The following ADPRHL1 variants were observed in gnomAD, a reference collection of about 807,000 sequenced individuals.
ADPRHL1 encodes the protein inactive ADP-ribosyltransferase ARH2.
ADPRHL1 carries 43 observed loss-of-function variants against 44.1 expected under a neutral mutation model. The observed-to-expected ratio is 0.98, with a 90% CI of 0.76 to 1.26. ADPRHL1 has a LOEUF of 1.26. Ranked by LOEUF, ADPRHL1 falls within the 50% of genes most tolerant of loss-of-function variation. ADPRHL1 has a pLI of 0.00. For missense variants in ADPRHL1, 2,022 were observed against 2,496.9 expected (o/e 0.81, Z 4.05); for synonymous variants, 878 against 1,017.4 (o/e 0.86, Z 2.61).
intron 3 of ADPRHL1, among the ~76,000 whole-genome samples, chr13:113,432,165 C>A (rs923871354): frequency 6.6e-6 from 1 of 152,180 alleles, no homozygotes; most frequent in African/African-American, 2.4e-5. Flanking sequence ...GCCCTGTCGC[C>A]CAGGCTGCAG....
rs61968984 is a variant in ADPRHL1, at chr13:113,447,161, T to G, written c.215-2572A>C. On this transcript the variant is annotated intron_variant, in intron 1 of 7. Transcript: ENST00000612156. Reference sequence around the variant, plus strand: ...AGTTGTATGTGCATGGCGTCTACACTCACGGTGTTGTGTGTGCATGGCGTC... The same window carrying G: ...AGTTGTATGTGCATGGCGTCTACACGCACGGTGTTGTGTGTGCATGGCGTC... 2.2e-3 allele frequency among the ~76,000 whole-genome samples: 248 copies of G among 113,326 alleles called. 3 individuals carry two copies. The highest frequency in any genetic ancestry group is 4.7e-3 in the African/African-American group (108 of 22,800). 74.3% of individuals were successfully genotyped at this position (113,326 alleles called of 152,430 possible).
In ADPRHL1 at chr13:113,406,736, A is replaced by C; in HGVS notation, c.2546T>G (p.Val849Gly). The C allele has an allele frequency of 1.6e-6, 2 of 1,231,954 alleles. No homozygotes were observed. The highest frequency in any genetic ancestry group is 1.0e-6 in the Non-Finnish European group (1 of 987,988). The allele number at this position is 1,231,954 out of a possible 1,614,324, so 76.3% of individuals were successfully genotyped here. A position where few individuals can be genotyped will look rare whatever the true frequency, so the allele number is the denominator to read the frequency against. ...GGGAGGGGCTGGCATTTCATGGACA[A>C]CTGGAATTTGGACAGTTATCCGTGG... ...EPPRITVQIP[V>G]VHEMPAPPTR... is the part of the protein sequence containing the mutation. The change falls in exon 8 of 8, where the codon GTT becomes GGT. Residue 849 changes from valine (V) to glycine (G), a missense_variant. Val to Gly is a moderately radical substitution (Grantham distance 109). Coordinates refer to ENST00000612156, the MANE Select transcript of ADPRHL1 (RefSeq NM_001394807.1).
At chr13:113,452,397 T>C (rs190161192) in intron 1 of ADPRHL1, among the ~76,000 whole-genome samples, 1 of 152,230 alleles carries the variant, frequency 6.6e-6, no homozygotes, top group Non-Finnish European at 1.5e-5. Flanking sequence ...CCATGGCAGA[T>C]GAACAGAATG....
intron 7 of ADPRHL1, among the ~76,000 whole-genome samples, chr13:113,415,213 G>T (rs989742271): frequency 2.6e-5 from 4 of 152,202 alleles, no homozygotes; most frequent in Admixed American, 6.5e-5. Flanking sequence ...CTAGAGGGAC[G>T]AGAGCCCTTC....
At position 113,444,533 on chromosome 13, in the gene ADPRHL1, C is replaced by A. The variant is rs150080386; in HGVS notation, c.271G>T (p.Val91Phe). ...GGCCGGCGTTCTGGAAGCTTCTCAA[C>A]GATTTCCACATAGCATCTCACCATC... ...REMVRCYVEI[V>F]EKLPERRPDP... Residue 91 changes from valine (V) to phenylalanine (F), a missense_variant, in exon 2 of 8, where the codon GTT (valine) becomes TTT (phenylalanine). Around this residue, in one of 8 missense-constraint regions of ADPRHL1, gnomAD observed 437 missense variants for 430.7 expected, o/e 1.01. Transcript: ENST00000612156. 1 of 1,614,170 alleles carries A rather than the reference C, an allele frequency of 6.2e-7. No individual in the cohort carries two copies. Among genetic ancestry groups the A allele is most frequent in the South Asian group, 1.1e-5 (1 of 91,084 alleles).
intron 7 of ADPRHL1, among the ~76,000 whole-genome samples, chr13:113,418,576 T>C (rs1398081400): frequency 1.3e-5 from 2 of 152,214 alleles, no homozygotes; most frequent in Admixed American, 6.5e-5. Flanking sequence ...AACATGTGTG[T>C]GTTACTGACA....
chr13:113,436,458 G>A (rs9796028), intron 2 of ADPRHL1, among the ~76,000 whole-genome samples: 116 of 756 alleles, frequency 0.15, no homozygotes, highest in East Asian at 0.38. Context: ...CCAGGTGCAG[G>A]GTGAACATAG....
At chr13:113,413,453 G>A (rs967396536) in intron 7 of ADPRHL1, among the ~76,000 whole-genome samples, 11 of 152,224 alleles carry the variant, frequency 7.2e-5, no homozygotes, top group Non-Finnish European at 1.3e-4. Context: ...CGCCAGGAAC[G>A]CCCCCAAGTC....
rs2043751759 is a variant in ADPRHL1 at position 113,400,451 on chromosome 13, T to G, written c.*2927A>C. ...GAGCCACCGTGCCCGGCCACTTTCT[T>G]TCTTTCTTTTTTTTTTTTTTTAAAA... On this transcript the variant is annotated 3_prime_UTR_variant, in exon 8 of 8. Transcript: ENST00000612156. The G allele has an allele frequency of 6.9e-6, 1 of 145,398 alleles. No individual in the cohort carries two copies. Among genetic ancestry groups the G allele is most frequent in the African/African-American group, 2.6e-5 (1 of 38,146 alleles). The allele number at this position is 145,398 out of a possible 1,614,324, so 9.0% of individuals were successfully genotyped here. A position where few individuals can be genotyped will look rare whatever the true frequency, so the allele number is the denominator to read the frequency against.
intron 2 of ADPRHL1, among the ~76,000 whole-genome samples, chr13:113,443,875 G>A (rs1434531081): frequency 1.3e-5 from 2 of 151,138 alleles, no homozygotes; most frequent in East Asian, 2.0e-4. Flanking sequence ...CCCGGGAGGC[G>A]GAGGTTGCAG....
Position 113,409,402 on chromosome 13 carries a change from A to G in ADPRHL1, c.1062-1182T>C, listed in dbSNP as rs61966649. 0.016 allele frequency: 15,581 copies of G among 985,218 alleles called. 160 individuals carry two copies. Among genetic ancestry groups the G allele is most frequent in the Middle Eastern group, 0.019 (37 of 1,914 alleles). The allele number at this position is 985,218 out of a possible 1,614,324, so 61.0% of individuals were successfully genotyped here. A position where few individuals can be genotyped will look rare whatever the true frequency, so the allele number is the denominator to read the frequency against. On this transcript the variant is annotated intron_variant, in intron 7 of 7. Coordinates refer to ENST00000612156, the MANE Select transcript of ADPRHL1 (RefSeq NM_001394807.1). This position sits in a 1 kb window ranked among gnomAD's most constrained non-coding sequence, Gnocchi z 4.2. The stretch of plus-strand genomic sequence containing the variant: ...AGATCATCAGGGATGAGGAACAAAG[A>G]CTCGAGTATTACAGGAAAAGTCGCC...
rs1408984240 is a variant in ADPRHL1 at position 113,409,607 on chromosome 13, G to A, written c.1062-1387C>T. On this transcript the variant is annotated intron_variant, in intron 7 of 7. Transcript: ENST00000612156. This position sits in a 1 kb window ranked among gnomAD's most constrained non-coding sequence, Gnocchi z 4.2. Reference sequence around the variant, plus strand: ...CGATTGTTTTTAAGAAGCTGAGGCCGGGCGCCGTGGCTCACGCCTGTAATC... The same window carrying A: ...CGATTGTTTTTAAGAAGCTGAGGCCAGGCGCCGTGGCTCACGCCTGTAATC... 8.1e-6 allele frequency: 8 copies of A among 985,282 alleles called. No individual in the cohort carries two copies. The highest frequency in any genetic ancestry group is 1.7e-5 in the African/African-American group (1 of 57,230). The allele number at this position is 985,282 out of a possible 1,614,324, so 61.0% of individuals were successfully genotyped here.
intron 2 of ADPRHL1, among the ~76,000 whole-genome samples, chr13:113,439,151 C>CT (rs1326024689): frequency 6.6e-5 from 10 of 152,036 alleles, no homozygotes; most frequent in African/African-American, 1.9e-4. Context: ...GAGTCTCACT[C>CT]TGACTCTGTT....
chr13:113,433,844 T>C lies in ADPRHL1; in HGVS notation c.403A>G (p.Lys135Glu), dbSNP rs1164164689. ...EKGSGFGAAT[K>E]AMCIGLRYWK... The stretch of plus-strand genomic sequence containing the variant: ...TACCGCAGGCCGATGCACATGGCCT[T>C]GGTGGCCGCTCCAAACCCTGAGCCT... Residue 135 changes from lysine (K) to glutamate (E), a missense_variant, in exon 3 of 8, where the codon AAG (lysine) becomes GAG (glutamate). Lys to Glu is a moderately conservative substitution (Grantham distance 56, BLOSUM62 1). Around this residue, in one of 8 missense-constraint regions of ADPRHL1, gnomAD observed 437 missense variants for 430.7 expected, o/e 1.01. Transcript: ENST00000612156. 4 of 1,564,902 alleles carry C rather than the reference T, an allele frequency of 2.6e-6. No homozygotes were observed. The highest frequency in any genetic ancestry group is 3.5e-6 in the Non-Finnish European group (4 of 1,154,708).
In ADPRHL1 at chr13:113,403,590, G is replaced by T; in HGVS notation, c.5692C>A (p.Pro1898Thr). 1 of 1,231,674 alleles carries T rather than the reference G, an allele frequency of 8.1e-7. No homozygotes were observed. The highest frequency in any genetic ancestry group is 1.0e-6 in the Non-Finnish European group (1 of 987,966). The allele number at this position is 1,231,674 out of a possible 1,614,324, so 76.3% of individuals were successfully genotyped here. ...GACCCCTCCTGGGCCGGGGCCTGGG[G>T]AGTCCCGCAGCCCCCAGCCTCAGGC... Reference protein sequence around the residue: ...PKPEAGGCGTPQAPAQEGSPD... With the variant: ...PKPEAGGCGTTQAPAQEGSPD... Residue 1898 changes from proline (P) to threonine (T), a missense_variant, in exon 8 of 8, where the codon CCC (proline) becomes ACC (threonine). Around this residue, in one of 8 missense-constraint regions of ADPRHL1, gnomAD observed 205 missense variants for 250.1 expected, o/e 0.82. Coordinates refer to ENST00000612156, the MANE Select transcript of ADPRHL1 (RefSeq NM_001394807.1).
intron 1 of ADPRHL1, among the ~76,000 whole-genome samples, chr13:113,446,049 C>T (rs4644760): frequency 0.32 from 45,932 of 144,068 alleles, 8,693 homozygotes; most frequent in African/African-American, 0.54. Flanking sequence ...ACAGAGAGAG[C>T]GTGCAGGGCC....
intron 3 of ADPRHL1, among the ~76,000 whole-genome samples, chr13:113,432,210 A>G (rs529044789): frequency 2.0e-5 from 3 of 152,194 alleles, no homozygotes; most frequent in East Asian, 1.9e-4. Context: ...TGCAGCCCCA[A>G]CATCCTGGGT....
chr13:113,412,703 G>C (rs1318773811), intron 7 of ADPRHL1, among the ~76,000 whole-genome samples: 1 of 151,052 alleles, frequency 6.6e-6, no homozygotes, highest in Non-Finnish European at 1.5e-5. Flanking sequence ...ACCGCCAACA[G>C]TGCCCCGGAG....
chr13:113,407,567 G>A lies in ADPRHL1; in HGVS notation c.1715C>T (p.Thr572Met), dbSNP rs998555744. 11 of 1,232,088 alleles carry A rather than the reference G, an allele frequency of 8.9e-6. No homozygotes were observed. Among genetic ancestry groups the A allele is most frequent in the Non-Finnish European group, 1.1e-5 (11 of 988,098 alleles). The allele number at this position is 1,232,088 out of a possible 1,614,324, so 76.3% of individuals were successfully genotyped here. Residue 572 changes from threonine to methionine, a missense_variant, in exon 8 of 8, where the codon ACG becomes ATG. Around this residue, in one of 8 missense-constraint regions of ADPRHL1, gnomAD observed 1,221 missense variants for 1,517.8 expected, o/e 0.80. Transcript: ENST00000612156. The part of the protein sequence containing the change: ...CSEASALRLH[T>M]QERKKRNLQR... Reference sequence around the variant, plus strand: ...CAGGTTCCTCTTCTTCCGCTCCTGCGTGTGCAGCCTCAGCGCACTGGCCTC... The same window carrying A: ...CAGGTTCCTCTTCTTCCGCTCCTGCATGTGCAGCCTCAGCGCACTGGCCTC...
Sources: allele counts gnomAD v4.1 joint callset (sites outside exome capture counted in the v4.1 genomes callset), GRCh38; gene constraint gnomAD v4.1.1; regional missense constraint gnomAD v4.1.1; non-coding constraint Gnocchi (gnomAD v3.1); transcripts MANE v1.5; gene names NCBI Gene and HGNC (gene_info 2026-07-23, HGNC 2026-07-21).